The following COP1 variants were observed in gnomAD, a reference collection of about 807,000 sequenced individuals.
The protein encoded by COP1 is COP1 E3 ubiquitin ligase, also known as E3 ubiquitin-protein ligase COP1.
Under a neutral mutation model 101.3 loss-of-function variants are expected in COP1, and 24 were observed. The observed-to-expected ratio is 0.24, with a 90% CI of 0.17 to 0.33. COP1 has a LOEUF of 0.33. Among genes scored for constraint, COP1 ranks in the 10% least tolerant of loss-of-function variants. The pLI is 1.00. For synonymous variants in COP1, 347 were observed against 341.9 expected (o/e 1.01, Z -0.17); for missense variants, 663 against 906.2 (o/e 0.73, Z 3.45).
chr1:176,031,078 T>A (rs1247152037), intron 14 of COP1, among the ~76,000 whole-genome samples: 1 of 152,170 alleles, frequency 6.6e-6, no homozygotes, highest in East Asian at 1.9e-4. Flanking sequence ...AGAAATAATT[T>A]TTCCCCAGAG....
chr1:176,057,336 C>G (rs1673721040), intron 11 of COP1, among the ~76,000 whole-genome samples: 1 of 152,112 alleles, frequency 6.6e-6, no homozygotes, highest in African/African-American at 2.4e-5. Context: ...TCTCCCTCTC[C>G]CCACGGATTC....
chr1:175,948,303 G>A (rs1228203194), intron 18 of COP1, among the ~76,000 whole-genome samples: 2 of 152,196 alleles, frequency 1.3e-5, no homozygotes, highest in Non-Finnish European at 2.9e-5. Context: ...GAACTTGGAT[G>A]TGTTGGAGTC....
intron 15 of COP1, among the ~76,000 whole-genome samples, chr1:176,009,503 G>C (rs1004614745): frequency 1.3e-5 from 2 of 152,114 alleles, no homozygotes; most frequent in Non-Finnish European, 1.5e-5. Flanking sequence ...CTTGTGTACT[G>C]TACAAAAGTT....
chr1:176,141,162 C>A (rs1335628566), intron 6 of COP1, among the ~76,000 whole-genome samples: 4 of 152,078 alleles, frequency 2.6e-5, no homozygotes. Context: ...CCAAACTGAA[C>A]AAAAGAATAC....
chr1:176,178,121 G>A (rs376360254), intron 2 of COP1, among the ~76,000 whole-genome samples: 92 of 152,026 alleles, frequency 6.1e-4, no homozygotes, highest in African/African-American at 2.1e-3. Flanking sequence ...TTTCACTGAA[G>A]GAAATAACAT....
chr1:176,023,979 C>T (rs559667440), intron 15 of COP1, among the ~76,000 whole-genome samples: 1 of 151,984 alleles, frequency 6.6e-6, no homozygotes, highest in African/African-American at 2.4e-5. Context: ...AACTACAGGC[C>T]GGGCATGGTA....
At chr1:176,087,102 A>G (rs1680337089) in intron 9 of COP1, among the ~76,000 whole-genome samples, 1 of 152,220 alleles carries the variant, frequency 6.6e-6, no homozygotes, top group South Asian at 2.1e-4. Context: ...TTATACAAAA[A>G]TTAATTTAAG....
chr1:176,170,583 T>C (rs1262220640), intron 3 of COP1, among the ~76,000 whole-genome samples: 1 of 152,200 alleles, frequency 6.6e-6, no homozygotes, highest in Non-Finnish European at 1.5e-5. Context: ...CGATATTCAG[T>C]AAATCACGCT....
intron 9 of COP1, among the ~76,000 whole-genome samples, chr1:176,103,555 C>T (rs957305467): frequency 6.6e-6 from 1 of 152,186 alleles, no homozygotes; most frequent in Admixed American, 6.5e-5. Context: ...CACCCCTAAT[C>T]TGAAAATCCA....
At chr1:175,968,515 C>T (rs530976068) in intron 18 of COP1, 7 of 518,708 alleles carry the variant, frequency 1.3e-5, no homozygotes, top group Non-Finnish European at 2.7e-5. Context: ...CATTTGTCCA[C>T]ATGGCTGGTT....
At chr1:176,012,383 C>T (rs1664840924) in intron 15 of COP1, among the ~76,000 whole-genome samples, 2 of 152,122 alleles carry the variant, frequency 1.3e-5, no homozygotes, top group African/African-American at 2.4e-5. Flanking sequence ...ACCTTGACCT[C>T]CCAAAGTGCT....
At chr1:176,022,983 T>C (rs1306648511) in intron 15 of COP1, among the ~76,000 whole-genome samples, 1 of 152,238 alleles carries the variant, frequency 6.6e-6, no homozygotes, top group Non-Finnish European at 1.5e-5. Context: ...AGCACCATTG[T>C]AGAGATGTGG....
chr1:176,189,259 C>A (rs1231224448), intron 1 of COP1, among the ~76,000 whole-genome samples: 3 of 151,880 alleles, frequency 2.0e-5, no homozygotes, highest in Non-Finnish European at 4.4e-5. Flanking sequence ...TCTTTCAGTT[C>A]TTTTATTATT....
intron 18 of COP1, among the ~76,000 whole-genome samples, chr1:175,951,463 A>ATATATATAGATATATATATATATATATAT (rs1558154896): frequency 2.5e-5 from 1 of 39,920 alleles, no homozygotes; most frequent in Non-Finnish European, 4.9e-5. Context: ...TATATATATA[A>ATATATATAGATATATATATATATATATAT]AAACTTCCAT....
chr1:176,015,854 T>C (rs1400682782), intron 15 of COP1, among the ~76,000 whole-genome samples: 1 of 152,148 alleles, frequency 6.6e-6, no homozygotes, highest in Non-Finnish European at 1.5e-5. Context: ...GGCAGAAGCC[T>C]TGGTGAAGTG....
intron 9 of COP1, among the ~76,000 whole-genome samples, chr1:176,093,200 A>G (rs1027734327): frequency 6.6e-6 from 1 of 152,238 alleles, no homozygotes; most frequent in Non-Finnish European, 1.5e-5. Context: ...ATATTTGGAT[A>G]GGAAGCAGGT....
At chr1:176,088,063 T>G (rs1262105907) in intron 9 of COP1, among the ~76,000 whole-genome samples, 1 of 151,974 alleles carries the variant, frequency 6.6e-6, no homozygotes, top group Non-Finnish European at 1.5e-5. Context: ...ATGAGAATAC[T>G]TGGACACAGG....
chr1:176,090,107 A>G (rs1034100685), intron 9 of COP1, among the ~76,000 whole-genome samples: 5 of 152,170 alleles, frequency 3.3e-5, no homozygotes, highest in Non-Finnish European at 5.9e-5. Context: ...ACTCCTTCCT[A>G]TTAATCTCAG....
intron 18 of COP1, among the ~76,000 whole-genome samples, chr1:175,970,871 T>A (rs1458819056): frequency 1.3e-5 from 2 of 152,206 alleles, no homozygotes; most frequent in South Asian, 2.1e-4. Context: ...CTGAAAGACC[T>A]GGGTCAACTA....
Sources: allele counts gnomAD v4.1 joint callset (sites outside exome capture counted in the v4.1 genomes callset), GRCh38; gene constraint gnomAD v4.1.1; transcripts MANE v1.5; gene names NCBI Gene and HGNC (gene_info 2026-07-23, HGNC 2026-07-21).